FBXL7: variants seen among roughly 807,000 people sequenced by gnomAD.
The protein encoded by FBXL7 is F-box and leucine rich repeat protein 7, also known as F-box/LRR-repeat protein 7.
In FBXL7, 12 loss-of-function variants were observed where a neutral mutation model predicts 38.3. The ratio of observed to expected loss-of-function variants is 0.31; its 90% CI spans 0.20 to 0.51. The LOEUF (loss-of-function observed/expected upper bound fraction) is 0.51. Ranked by LOEUF, FBXL7 falls within the 20% of genes least tolerant of loss-of-function variation. FBXL7 has a pLI of 0.98. For synonymous variants in FBXL7, 297 were observed against 300.9 expected (o/e 0.99, Z 0.13); for missense variants, 567 against 676.4 (o/e 0.84, Z 1.79).
At chr5:15,561,440 C>A (rs1386219028) in intron 1 of FBXL7, among the ~76,000 whole-genome samples, 1 of 152,098 alleles carries the variant, frequency 6.6e-6, no homozygotes, top group Non-Finnish European at 1.5e-5. Context: ...TAAATGCATA[C>A]CACATCTTTA....
chr5:15,584,725 C>G (rs1309169890), intron 1 of FBXL7, among the ~76,000 whole-genome samples: 3 of 152,194 alleles, frequency 2.0e-5, no homozygotes, highest in African/African-American at 7.2e-5. Flanking sequence ...ATAAAAGTAC[C>G]CCACTCCTGG....
intron 2 of FBXL7, among the ~76,000 whole-genome samples, chr5:15,826,751 T>C (rs1488776039): frequency 1.3e-5 from 2 of 152,090 alleles, no homozygotes; most frequent in Non-Finnish European, 2.9e-5. Flanking sequence ...TTGTCTTTGC[T>C]CCATGCAACA....
chr5:15,572,304 T>C (rs1738813960), intron 1 of FBXL7, among the ~76,000 whole-genome samples: 1 of 151,846 alleles, frequency 6.6e-6, no homozygotes, highest in African/African-American at 2.4e-5. Context: ...CAAAGTCTTT[T>C]GGTGGTTTAA....
chr5:15,841,337 G>A (rs1339772952), intron 2 of FBXL7, among the ~76,000 whole-genome samples: 1 of 151,952 alleles, frequency 6.6e-6, no homozygotes, highest in East Asian at 1.9e-4. Flanking sequence ...ATAAATCTCA[G>A]TTTTAAAATG....
At chr5:15,634,996 A>G (rs762062903) in intron 2 of FBXL7, among the ~76,000 whole-genome samples, 6 of 151,998 alleles carry the variant, frequency 3.9e-5, no homozygotes, top group African/African-American at 1.2e-4. Flanking sequence ...ATAAAGTAAC[A>G]TATTCATAGG....
chr5:15,562,907 T>C (rs919108122), intron 1 of FBXL7, among the ~76,000 whole-genome samples: 7 of 152,140 alleles, frequency 4.6e-5, no homozygotes, highest in African/African-American at 7.2e-5. Context: ...TATTCATACA[T>C]TAGCCATTAT....
At chr5:15,793,554 A>G (rs912425014) in intron 2 of FBXL7, among the ~76,000 whole-genome samples, 10 of 152,322 alleles carry the variant, frequency 6.6e-5, no homozygotes, top group African/African-American at 2.4e-4. Context: ...AAATAAGGTG[A>G]CGTTGCTAGG....
chr5:15,601,609 G>A (rs1739795226), intron 1 of FBXL7, among the ~76,000 whole-genome samples: 1 of 152,050 alleles, frequency 6.6e-6, no homozygotes, highest in South Asian at 2.1e-4. Context: ...CCCATGCTGG[G>A]GTGCCAAGTG....
chr5:15,750,866 G>A (rs938602103), intron 2 of FBXL7, among the ~76,000 whole-genome samples: 1 of 152,162 alleles, frequency 6.6e-6, no homozygotes, highest in Non-Finnish European at 1.5e-5. Flanking sequence ...AGCTCATGTA[G>A]GTGGACTGCA....
At chr5:15,649,290 C>T (rs532689867) in intron 2 of FBXL7, among the ~76,000 whole-genome samples, 1 of 152,236 alleles carries the variant, frequency 6.6e-6, no homozygotes, top group Non-Finnish European at 1.5e-5. Flanking sequence ...AGCCCCTGCA[C>T]CTGGCTGATA....
chr5:15,683,687 C>T (rs1448890194), intron 2 of FBXL7, among the ~76,000 whole-genome samples: 1 of 152,100 alleles, frequency 6.6e-6, no homozygotes, highest in African/African-American at 2.4e-5. Flanking sequence ...GGGGGAGGCC[C>T]GGACCTTAAG....
chr5:15,899,577 CA>C (rs765875802), intron 2 of FBXL7, among the ~76,000 whole-genome samples: 1 of 151,966 alleles, frequency 6.6e-6, no homozygotes, highest in Non-Finnish European at 1.5e-5. Context: ...CAAACCAAAC[CA>C]AAAAACCCTA....
intron 2 of FBXL7, among the ~76,000 whole-genome samples, chr5:15,886,591 T>G (rs1740688133): frequency 6.6e-6 from 1 of 152,158 alleles, no homozygotes; most frequent in South Asian, 2.1e-4. Flanking sequence ...AGTGGCTAAT[T>G]TCAGTTATCC....
chr5:15,728,410 A>G (rs924632365), intron 2 of FBXL7, among the ~76,000 whole-genome samples: 20 of 152,174 alleles, frequency 1.3e-4, no homozygotes, highest in African/African-American at 4.8e-4. Flanking sequence ...TGGGATTTGA[A>G]TGTCCAATAT....
At chr5:15,881,528 C>G (rs912387721) in intron 2 of FBXL7, among the ~76,000 whole-genome samples, 1 of 152,180 alleles carries the variant, frequency 6.6e-6, no homozygotes, top group African/African-American at 2.4e-5. Flanking sequence ...TTCTTTTCCA[C>G]TGAGTAGATA....
intron 2 of FBXL7, among the ~76,000 whole-genome samples, chr5:15,757,916 C>T (rs1011338340): frequency 6.6e-6 from 1 of 152,100 alleles, no homozygotes; most frequent in African/African-American, 2.4e-5. Flanking sequence ...CTAGATGATT[C>T]CTATTTTCGT....
At chr5:15,861,457 A>G (rs1218808606) in intron 2 of FBXL7, among the ~76,000 whole-genome samples, 1 of 152,208 alleles carries the variant, frequency 6.6e-6, no homozygotes, top group Non-Finnish European at 1.5e-5. Context: ...ATGGGGCATA[A>G]GGTAGTGACA....
At chr5:15,903,303 A>G (rs776725222) in intron 2 of FBXL7, among the ~76,000 whole-genome samples, 1 of 152,208 alleles carries the variant, frequency 6.6e-6, no homozygotes, top group Non-Finnish European at 1.5e-5. Context: ...GAAGGGGTTT[A>G]GAGTAAGCAC....
chr5:15,883,822 C>G (rs1740561962), intron 2 of FBXL7, among the ~76,000 whole-genome samples: 1 of 152,174 alleles, frequency 6.6e-6, no homozygotes, highest in South Asian at 2.1e-4. Context: ...TCTGTAAATA[C>G]CAAACTATTT....
Sources: gnomAD v4.1 joint callset for allele counts (sites outside exome capture counted in the v4.1 genomes callset) on GRCh38, gnomAD v4.1.1 for gene constraint, MANE v1.5 for transcripts, NCBI Gene and HGNC (gene_info 2026-07-23, HGNC 2026-07-21) for gene names.